PRR16: variants seen among roughly 807,000 people sequenced by gnomAD.
PRR16 encodes protein Largen.
Under a neutral mutation model 18.2 loss-of-function variants are expected in PRR16, and 6 were observed. That is an observed-to-expected ratio of 0.33 (90% CI 0.18 to 0.65). The LOEUF is 0.65. Among genes scored for constraint, PRR16 ranks in the 30% least tolerant of loss-of-function variants. The probability of loss-of-function intolerance (pLI) is 0.74; values close to 1 mark genes in which losing one functional copy is unlikely to be tolerated. For synonymous variants in PRR16, 151 were observed against 147.8 expected, an observed-to-expected ratio of 1.02 and a Z score of -0.16; for missense variants, 412 against 376.6, an observed-to-expected ratio of 1.09 and a Z score of -0.78.
chr5:120,601,652 A>G (rs1753986031), intron 1 of PRR16, among the ~76,000 whole-genome samples: 4 of 151,670 alleles, frequency 2.6e-5, no homozygotes, highest in African/African-American at 9.7e-5. Context: ...TCCTGTGTTT[A>G]CCATGGTGTT....
At chr5:120,761,381 A>AT in the PRR16 span, among the ~76,000 whole-genome samples, 60 of 151,862 alleles carry the variant, frequency 4.0e-4, 1 homozygote, top group Admixed American at 6.6e-4. Context: ...TAAGGATTTG[A>AT]TTTTTTTTCC....
intron 1 of PRR16, among the ~76,000 whole-genome samples, chr5:120,674,671 A>G (rs1756734309): frequency 6.6e-6 from 1 of 152,046 alleles, no homozygotes; most frequent in African/African-American, 2.4e-5. Context: ...TGTGTTGTCA[A>G]CCATGAAATT....
chr5:120,761,947 C>T, the PRR16 span, among the ~76,000 whole-genome samples: 1 of 152,078 alleles, frequency 6.6e-6, no homozygotes, highest in Non-Finnish European at 1.5e-5. Flanking sequence ...ATTTTTACCT[C>T]CCATATATGA....
At chr5:120,747,292 C>G in the PRR16 span, among the ~76,000 whole-genome samples, 21 of 152,260 alleles carry the variant, frequency 1.4e-4, no homozygotes, top group African/African-American at 3.6e-4. Flanking sequence ...GCCAATTTAC[C>G]TAGGCATGCT....
chr5:120,773,178 T>C, the PRR16 span, among the ~76,000 whole-genome samples: 1 of 152,106 alleles, frequency 6.6e-6, no homozygotes, highest in African/African-American at 2.4e-5. Context: ...AGTTAAAATT[T>C]TTATTAGTAT....
intron 1 of PRR16, among the ~76,000 whole-genome samples, chr5:120,512,789 AGTATAGAAGCTTTACTG>A (rs1750871049): frequency 1.3e-5 from 2 of 152,138 alleles, no homozygotes; most frequent in South Asian, 4.1e-4. Flanking sequence ...CCAAAGTGAG[AGTATAGAAGCTTTACTG>A]GGGAGGGAAA....
chr5:120,677,263 T>C (rs1756828992), intron 1 of PRR16, among the ~76,000 whole-genome samples: 1 of 152,164 alleles, frequency 6.6e-6, no homozygotes, highest in Admixed American at 6.5e-5. Flanking sequence ...GTGGCCCTAC[T>C]GTGTCCTTGC....
At chr5:120,723,318 T>G in the PRR16 span, among the ~76,000 whole-genome samples, 1 of 151,992 alleles carries the variant, frequency 6.6e-6, no homozygotes, top group Non-Finnish European at 1.5e-5. Flanking sequence ...GTAACCTCAT[T>G]GCAATTTCAA....
rs201536740 is a variant in PRR16 at position 120,646,030 on chromosome 5, C to CA, written c.160-39915dup. Among the ~76,000 whole-genome samples the CA allele has an allele frequency of 2.0e-3, 173 of 86,486 alleles. No individual in the cohort carries two copies. The East Asian group carries it at 0.027, about 13-fold the overall frequency. The allele number at this position is 86,486 out of a possible 152,430, so 56.7% of individuals were successfully genotyped here. On this transcript the variant is annotated intron_variant, in intron 1 of 1. Coordinates refer to ENST00000407149, the MANE Select transcript of PRR16 (RefSeq NM_001300783.2). ...AAAATATGAAGATAAGCTCAAATTA[C>CA]AAAAAAAAATACATATTTTATATAT...
intron 1 of PRR16, among the ~76,000 whole-genome samples, chr5:120,570,796 T>C (rs1248173515): frequency 6.6e-6 from 1 of 152,070 alleles, no homozygotes; most frequent in Non-Finnish European, 1.5e-5. Flanking sequence ...TTCCCAAAGA[T>C]TATAAACATG....
At chr5:120,794,437 T>C in the PRR16 span, among the ~76,000 whole-genome samples, 6 of 152,252 alleles carry the variant, frequency 3.9e-5, no homozygotes, top group Admixed American at 1.3e-4. Context: ...TTCAAGCATA[T>C]GCATCATTAG....
chr5:120,677,443 ATAGT>A lies in PRR16; in HGVS notation c.160-8507_160-8504del, dbSNP rs1457683653. Among the ~76,000 whole-genome samples the A allele has an allele frequency of 1.1e-4, 16 of 152,306 alleles. No individual in the cohort carries two copies. The East Asian group carries it at 3.1e-3, about 29-fold the overall frequency. Reference sequence around the variant, plus strand: ...GGACTCAGCTACTGAGAAAGGTCAAATAGTTAGGGGAAGGTAGTGTATTTACCGG... The same window carrying A: ...GGACTCAGCTACTGAGAAAGGTCAAATAGGGGAAGGTAGTGTATTTACCGG... On this transcript the variant is annotated intron_variant, in intron 1 of 1. Transcript: ENST00000407149.
chr5:120,518,064 A>G (rs565298905), intron 1 of PRR16, among the ~76,000 whole-genome samples: 5 of 152,162 alleles, frequency 3.3e-5, no homozygotes, highest in East Asian at 1.9e-4. Flanking sequence ...GCTTGAAACT[A>G]TCTTGTCTGC....
At chr5:120,599,127 A>AT (rs1249605652) in intron 1 of PRR16, among the ~76,000 whole-genome samples, 1 of 150,694 alleles carries the variant, frequency 6.6e-6, no homozygotes, top group Admixed American at 6.6e-5. Flanking sequence ...TTTTTTTCTG[A>AT]TTTTTTTCTT....
chr5:120,489,556 G>T (rs1230224817), intron 1 of PRR16, among the ~76,000 whole-genome samples: 1 of 152,134 alleles, frequency 6.6e-6, no homozygotes. Flanking sequence ...CTCTGCACGT[G>T]AGATGGGTTT....
At chr5:120,587,135 T>C (rs1198576022) in intron 1 of PRR16, among the ~76,000 whole-genome samples, 1 of 152,134 alleles carries the variant, frequency 6.6e-6, no homozygotes, top group African/African-American at 2.4e-5. Flanking sequence ...CTGAGAAACT[T>C]CATAAAGGCT....
At chr5:120,503,003 T>C (rs924844914) in intron 1 of PRR16, among the ~76,000 whole-genome samples, 1 of 152,180 alleles carries the variant, frequency 6.6e-6, no homozygotes, top group African/African-American at 2.4e-5. Context: ...CTGTTCGCAA[T>C]TCCATGTTAT....
At chr5:120,754,499 T>TATATAGTATA in the PRR16 span, among the ~76,000 whole-genome samples, 4 of 64,884 alleles carry the variant, frequency 6.2e-5, no homozygotes, top group African/African-American at 2.1e-4. Context: ...AGTATGTATT[T>TATATAGTATA]TATTATGTAT....
the PRR16 span, among the ~76,000 whole-genome samples, chr5:120,770,024 C>A: frequency 4.0e-5 from 6 of 151,880 alleles, no homozygotes; most frequent in African/African-American, 9.7e-5. Flanking sequence ...AATGTCTCTT[C>A]AAGTCCTTTG....
Sources: gnomAD v4.1 joint callset for allele counts (sites outside exome capture counted in the v4.1 genomes callset) on GRCh38, gnomAD v4.1.1 for gene constraint, MANE v1.5 for transcripts, NCBI Gene and HGNC (gene_info 2026-07-23, HGNC 2026-07-21) for gene names.